Variants in DNAJC1 observed in about 807,000 individuals in gnomAD.
The protein encoded by DNAJC1 is dnaJ homolog subfamily C member 1.
DNAJC1 carries 58 observed loss-of-function variants against 76.6 expected under a neutral mutation model. The ratio of observed to expected loss-of-function variants is 0.76; its 90% confidence interval spans 0.61 to 0.94. The LOEUF (loss-of-function observed/expected upper bound fraction) is 0.94, where lower values mean the gene tolerates loss of function less well. Among genes scored for constraint, DNAJC1 ranks in the 40% least tolerant of loss-of-function variants. The probability of loss-of-function intolerance (pLI) is 0.00; values close to 1 mark genes in which losing one functional copy is unlikely to be tolerated. For missense variants in DNAJC1, 689 were observed against 677.3 expected, an observed-to-expected ratio of 1.02 and a Z score of -0.19; for synonymous variants, 258 against 267.9, an observed-to-expected ratio of 0.96 and a Z score of 0.36.
At chr10:21,998,835 T>C (rs1022138222) in intron 1 of DNAJC1, among the ~76,000 whole-genome samples, 1 of 152,202 alleles carries the variant, frequency 6.6e-6, no homozygotes, top group African/African-American at 2.4e-5. Context: ...GTTTGGGGAA[T>C]TACAGTTTGC....
At chr10:21,784,781 C>T (rs1001317215) in intron 9 of DNAJC1, among the ~76,000 whole-genome samples, 8 of 151,926 alleles carry the variant, frequency 5.3e-5, no homozygotes, top group Admixed American at 2.6e-4. Context: ...ACCATCATTC[C>T]GAGCAAACTA....
At position 21,940,311 on chromosome 10, in the gene DNAJC1, G is replaced by A. The variant is rs527584233; in HGVS notation, c.223-11170C>T. 5.9e-5 allele frequency among the ~76,000 whole-genome samples: 9 copies of A among 152,190 alleles called. No individual in the cohort carries two copies. In the East Asian group the frequency reaches 1.2e-3, roughly 20 times the overall value. ...TATGTTACAAAAGAAGTAGGGAGAG[G>A]CTTTGGGTTTCTCCATAATAGATCA... is the stretch of plus-strand genomic sequence containing the variant. On this transcript the variant is annotated intron_variant, in intron 1 of 11. Transcript: ENST00000376980.
At chr10:21,872,429 G>C (rs1836119849) in intron 8 of DNAJC1, among the ~76,000 whole-genome samples, 1 of 152,120 alleles carries the variant, frequency 6.6e-6, no homozygotes, top group African/African-American at 2.4e-5. Context: ...AGAATTAAAT[G>C]AAAGTATGGG....
chr10:21,921,060 T>C, intron 3 of DNAJC1, 97 bp from the exon 4 acceptor site: 2 of 1,060,926 alleles, frequency 1.9e-6, no homozygotes, highest in African/African-American at 1.6e-5. Context: ...AGAAAACAAA[T>C]TATCCAAAAT....
chr10:21,794,286 G>A (rs866267991), intron 9 of DNAJC1, among the ~76,000 whole-genome samples: 3,355 of 132,518 alleles, frequency 0.025, 81 homozygotes, highest in African/African-American at 0.052. Context: ...AAAAAAAAAA[G>A]AGAGAGAGAG....
At chr10:21,844,604 T>G (rs565855812) in intron 8 of DNAJC1, among the ~76,000 whole-genome samples, 19 of 152,356 alleles carry the variant, frequency 1.2e-4, no homozygotes, top group African/African-American at 4.1e-4. Context: ...ATTAATCATT[T>G]TGAAACATAT....
chr10:21,889,157 C>G lies in DNAJC1; in HGVS notation c.821-6718G>C, dbSNP rs983278318. ...GGAAGTCTCAGGAAACTTTCAATCA[C>G]GGCAGAAGGCAAAGGGAGAACAGGT... On this transcript the variant is annotated intron_variant, in intron 7 of 11. Coordinates refer to ENST00000376980, the MANE Select transcript of DNAJC1 (RefSeq NM_022365.4). Among the ~76,000 whole-genome samples the G allele has an allele frequency of 1.3e-5, 2 of 152,066 alleles. 1 individual carries two copies. The highest frequency in any genetic ancestry group is 4.8e-5 in the African/African-American group (2 of 41,396).
chr10:21,911,918 C>T (rs1455684724), intron 6 of DNAJC1, among the ~76,000 whole-genome samples: 2 of 152,094 alleles, frequency 1.3e-5, no homozygotes, highest in Non-Finnish European at 2.9e-5. Flanking sequence ...GTGGGCTAAA[C>T]GTAAGTGTTC....
At chr10:21,831,542 G>C (rs538907791) in intron 8 of DNAJC1, among the ~76,000 whole-genome samples, 28 of 152,276 alleles carry the variant, frequency 1.8e-4, no homozygotes, top group Non-Finnish European at 3.1e-4. Context: ...TGTAATCCCA[G>C]CACTTTGGGA....
intron 1 of DNAJC1, among the ~76,000 whole-genome samples, chr10:21,988,147 G>T (rs1838276070): frequency 6.6e-6 from 1 of 151,990 alleles, no homozygotes; most frequent in South Asian, 2.1e-4. Flanking sequence ...TAACAAACAT[G>T]AAAAGCAGGC....
intron 1 of DNAJC1, among the ~76,000 whole-genome samples, chr10:21,972,096 T>C (rs1033129315): frequency 6.6e-6 from 1 of 151,926 alleles, no homozygotes; most frequent in Non-Finnish European, 1.5e-5. Context: ...AAGGGGACTT[T>C]TGTAAAATAT....
intron 9 of DNAJC1, among the ~76,000 whole-genome samples, chr10:21,776,464 A>C (rs951370529): frequency 2.0e-5 from 3 of 152,194 alleles, no homozygotes; most frequent in Non-Finnish European, 4.4e-5. Flanking sequence ...CATTTGTTAA[A>C]TTTACTCTTG....
At chr10:21,802,834 A>G (rs2131640019) in intron 9 of DNAJC1, among the ~76,000 whole-genome samples, 1 of 152,252 alleles carries the variant, frequency 6.6e-6, no homozygotes, top group Middle Eastern at 3.4e-3. Flanking sequence ...ATCATGTTAA[A>G]GTTGGTTTTA....
intron 8 of DNAJC1, among the ~76,000 whole-genome samples, chr10:21,837,489 T>A (rs1424587943): frequency 1.4e-5 from 2 of 142,254 alleles, no homozygotes; most frequent in South Asian, 2.3e-4. Flanking sequence ...CGGCCGCCCA[T>A]CGTCTGAGAT....
intron 3 of DNAJC1, among the ~76,000 whole-genome samples, chr10:21,927,243 T>C (rs1043799910): frequency 6.6e-6 from 1 of 152,208 alleles, no homozygotes; most frequent in Admixed American, 6.5e-5. Flanking sequence ...AGAGAAGATC[T>C]TGAATCCCTG....
chr10:21,789,865 C>T (rs146459300), intron 9 of DNAJC1, among the ~76,000 whole-genome samples: 4,877 of 151,636 alleles, frequency 0.032, 123 homozygotes, highest in Middle Eastern at 0.065. Flanking sequence ...CAAAAATTAG[C>T]CAGGCAGGGT....
At chr10:21,809,562 AAC>A (rs1474840503) in intron 8 of DNAJC1, among the ~76,000 whole-genome samples, 2 of 151,338 alleles carry the variant, frequency 1.3e-5, no homozygotes, top group Admixed American at 6.6e-5. Context: ...AGATATACAT[AAC>A]ACATTAGATA....
rs965864967 is a variant in DNAJC1 at position 22,003,692 on chromosome 10, C to A, written c.-258G>T. The A allele has an allele frequency of 1.1e-5, 4 of 380,162 alleles. No individual in the cohort carries two copies. Among genetic ancestry groups the A allele is most frequent in the Middle Eastern group, 1.4e-3 (2 of 1,464 alleles). The allele number at this position is 380,162 out of a possible 1,614,324, so 23.5% of individuals were successfully genotyped here. Reference sequence around the variant, plus strand: ...AGACCCTCGCCCCCAGGCCTACACACAGCTGTAGAGGCAGCGCCCGGCGCC... The same window carrying A: ...AGACCCTCGCCCCCAGGCCTACACAAAGCTGTAGAGGCAGCGCCCGGCGCC... On this transcript the variant is annotated 5_prime_UTR_variant, in exon 1 of 12. Coordinates refer to ENST00000376980, the MANE Select transcript of DNAJC1 (RefSeq NM_022365.4).
At chr10:21,951,840 A>T (rs766780043) in intron 1 of DNAJC1, among the ~76,000 whole-genome samples, 5 of 152,352 alleles carry the variant, frequency 3.3e-5, no homozygotes, top group African/African-American at 9.6e-5. Flanking sequence ...ATGCAATTAT[A>T]TAAGTTTAGA....
Sources: gnomAD v4.1 joint callset for allele counts (sites outside exome capture counted in the v4.1 genomes callset) on GRCh38, gnomAD v4.1.1 for gene constraint, MANE v1.5 for transcripts, NCBI Gene and HGNC (gene_info 2026-07-23, HGNC 2026-07-21) for gene names.